MTUS2: variants seen among roughly 807,000 people sequenced by gnomAD.
MTUS2 encodes the protein microtubule associated scaffold protein 2.
MTUS2 carries 40 observed loss-of-function variants against 114.1 expected under a neutral mutation model. That is an observed-to-expected ratio of 0.35 (90% CI 0.27 to 0.46). The LOEUF is 0.46. MTUS2 is among the 20% of genes least tolerant of loss of function. The pLI, the probability that MTUS2 is intolerant of heterozygous loss-of-function variation, is 1.00. For missense variants in MTUS2, 1,679 were observed against 1,705.4 expected (o/e 0.98, Z 0.27); for synonymous variants, 688 against 672.0 (o/e 1.02, Z -0.37).
In MTUS2 at chr13:28,919,500, CT is replaced by C. The variant is rs547600258; in HGVS notation, c.-243+79653del. ...TTCCTGCTGCTTTTAGGATTTTTTT[CT>C]TTATTTTTTACCTTTGGGAATTTGA... On this transcript the variant is annotated intron_variant, in intron 2 of 15. Transcript: ENST00000612955. 2.1e-3 allele frequency among the ~76,000 whole-genome samples: 323 copies of C among 151,600 alleles called. 1 individual carries two copies. Among genetic ancestry groups the C allele is most frequent in the African/African-American group, 7.3e-3 (302 of 41,352 alleles).
intron 7 of MTUS2, among the ~76,000 whole-genome samples, chr13:29,338,157 TAC>T (rs1319187782): frequency 6.6e-6 from 1 of 152,144 alleles, no homozygotes; most frequent in Non-Finnish European, 1.5e-5. Flanking sequence ...AGCTAAATGA[TAC>T]ACAGTTTTCC....
intron 5 of MTUS2, among the ~76,000 whole-genome samples, chr13:29,165,536 G>C (rs1004821185): frequency 6.6e-6 from 1 of 152,140 alleles, no homozygotes; most frequent in Non-Finnish European, 1.5e-5. Context: ...TATAAATTTT[G>C]GGAGGAAGTG....
chr13:28,856,175 A>G (rs528048544), intron 2 of MTUS2, among the ~76,000 whole-genome samples: 3 of 152,212 alleles, frequency 2.0e-5, no homozygotes, highest in Admixed American at 6.5e-5. Context: ...CAAATAGAAT[A>G]TAAGGTTCTG....
Position 29,170,706 on chromosome 13 carries a change from C to G in MTUS2, c.2644+69736C>G, listed in dbSNP as rs58719738. Among the ~76,000 whole-genome samples, 358 of 152,242 alleles carry G rather than the reference C, an allele frequency of 2.4e-3. 16 individuals carry two copies. The East Asian group carries it at 0.061, about 26-fold the overall frequency. Reference sequence around the variant, plus strand: ...CAAGTACACATGTGCCTAAATGAGTCTCACACCTGGTGTTAGGGCCAACAG... The same window carrying G: ...CAAGTACACATGTGCCTAAATGAGTGTCACACCTGGTGTTAGGGCCAACAG... On this transcript the variant is annotated intron_variant, in intron 5 of 15. Transcript: ENST00000612955.
At chr13:29,201,960 G>A (rs894343046) in intron 5 of MTUS2, among the ~76,000 whole-genome samples, 14 of 152,126 alleles carry the variant, frequency 9.2e-5, no homozygotes, top group Non-Finnish European at 1.6e-4. Flanking sequence ...TTCAACCTTG[G>A]TGAATCTGAC....
intron 2 of MTUS2, among the ~76,000 whole-genome samples, chr13:28,951,706 C>G (rs560935926): frequency 3.3e-5 from 5 of 151,570 alleles, no homozygotes; most frequent in Non-Finnish European, 7.4e-5. Flanking sequence ...GGCTGAGGCA[C>G]GAGAATTGCC....
At chr13:29,463,722 G>C (rs975797118) in intron 9 of MTUS2, among the ~76,000 whole-genome samples, 1 of 152,210 alleles carries the variant, frequency 6.6e-6, no homozygotes, top group Non-Finnish European at 1.5e-5. Flanking sequence ...CAAAATGATA[G>C]ATGGGGTGGC....
In MTUS2 at chr13:29,394,678, C is replaced by A. The variant is rs575298742; in HGVS notation, c.3117+35205C>A. 2.2e-3 allele frequency among the ~76,000 whole-genome samples: 342 copies of A among 152,356 alleles called. 1 individual carries two copies. Among genetic ancestry groups the A allele is most frequent in the Non-Finnish European group, 4.0e-3 (271 of 68,034 alleles). ...CCCCTGGCCACGAACTGGTACCCAT[C>A]CTGGTTCTGTGGCCTGTTAGGAACC... On this transcript the variant is annotated intron_variant, in intron 8 of 15. Transcript: ENST00000612955.
chr13:29,342,976 T>A (rs1451614612), intron 7 of MTUS2, among the ~76,000 whole-genome samples: 1 of 152,182 alleles, frequency 6.6e-6, no homozygotes, highest in Non-Finnish European at 1.5e-5. Flanking sequence ...GACTTGCATA[T>A]GTTCAACCAT....
chr13:28,997,755 C>G (rs1885182294), intron 2 of MTUS2, among the ~76,000 whole-genome samples: 1 of 152,006 alleles, frequency 6.6e-6, no homozygotes, highest in African/African-American at 2.4e-5. Context: ...AGATCTTCCT[C>G]CATCCCTTTA....
chr13:29,274,093 T>C (rs1897973761), intron 5 of MTUS2, among the ~76,000 whole-genome samples: 6 of 151,702 alleles, frequency 4.0e-5, no homozygotes, highest in Admixed American at 3.9e-4. Flanking sequence ...TTGTTCTGTT[T>C]GTTTTTTGTT....
In MTUS2 at chr13:28,966,596, A is replaced by T. The variant is rs79749038; in HGVS notation, c.-242-57861A>T. On this transcript the variant is annotated intron_variant, in intron 2 of 15. Coordinates refer to ENST00000612955, the MANE Select transcript of MTUS2 (RefSeq NM_001033602.4). ...AGCAATTAGCTGGGCATAGTGGTAC[A>T]TGTCTGCAGTCCCAGCTACTTAGGA... Among the ~76,000 whole-genome samples the T allele has an allele frequency of 7.2e-3, 1,097 of 151,964 alleles. 14 individuals are homozygous for T. The highest frequency in any genetic ancestry group is 0.025 in the African/African-American group (1,046 of 41,458).
intron 5 of MTUS2, chr13:29,242,800 G>A (rs1896777310): frequency 6.6e-6 from 1 of 152,292 alleles, no homozygotes; most frequent in East Asian, 1.9e-4. Context: ...TGCCAGGTAT[G>A]GTTCTAAGTA....
rs375122290 is a variant in MTUS2, at chr13:28,901,020, C to A, written c.-243+61170C>A. 4.6e-5 allele frequency among the ~76,000 whole-genome samples: 7 copies of A among 152,330 alleles called. No individual in the cohort carries two copies. In the East Asian group the frequency reaches 7.7e-4, roughly 17 times the overall value. On this transcript the variant is annotated intron_variant, in intron 2 of 15. Coordinates refer to ENST00000612955, the MANE Select transcript of MTUS2 (RefSeq NM_001033602.4). ...TCCCACAGTACAAGTGAACCTGTTT[C>A]TCCACATCCTCAGCAGCATTTGGTG... is the stretch of plus-strand genomic sequence containing the variant.
intron 2 of MTUS2, among the ~76,000 whole-genome samples, chr13:28,904,112 T>G (rs918752158): frequency 3.3e-5 from 5 of 152,176 alleles, no homozygotes; most frequent in African/African-American, 1.2e-4. Context: ...GGGTTGTTTG[T>G]TTTTTTCTTG....
rs149075220 is a variant in MTUS2 at position 29,063,617 on chromosome 13, A to G, written c.2446+29492A>G. Among the ~76,000 whole-genome samples the G allele has an allele frequency of 5.5e-3, 842 of 152,268 alleles. 4 individuals carry two copies. The highest frequency in any genetic ancestry group is 9.6e-3 in the Non-Finnish European group (656 of 68,008). On this transcript the variant is annotated intron_variant, in intron 4 of 15. Transcript: ENST00000612955. ...CTCTTTGGTCATTTTTTTAAATAGG[A>G]TGAATCATACCAAGTTATAACATGA...
intron 2 of MTUS2, among the ~76,000 whole-genome samples, chr13:28,860,085 T>C (rs539189751): frequency 1.3e-5 from 2 of 152,336 alleles, no homozygotes; most frequent in East Asian, 3.9e-4. Flanking sequence ...ATTTGCTTAA[T>C]TGCCATGTGC....
chr13:29,455,248 G>T (rs1335738836), intron 9 of MTUS2, among the ~76,000 whole-genome samples: 7 of 152,186 alleles, frequency 4.6e-5, no homozygotes, highest in Non-Finnish European at 1.0e-4. Context: ...TTTCCCGTGT[G>T]ATCTTAGCTG....
chr13:29,390,992 G>A (rs545568280), intron 8 of MTUS2, among the ~76,000 whole-genome samples: 4 of 151,720 alleles, frequency 2.6e-5, no homozygotes, highest in East Asian at 2.0e-4. Context: ...CATATTGGTC[G>A]GGCTGGTCTC....
Sources: allele counts gnomAD v4.1 joint callset (sites outside exome capture counted in the v4.1 genomes callset), GRCh38; gene constraint gnomAD v4.1.1; transcripts MANE v1.5; gene names NCBI Gene and HGNC (gene_info 2026-07-23, HGNC 2026-07-21).